TM9SF2: variants seen among roughly 807,000 people sequenced by gnomAD.
TM9SF2 encodes 76 kDa membrane protein.
TM9SF2 carries 13 observed loss-of-function variants against 84.9 expected under a neutral mutation model. The observed-to-expected ratio is 0.15, with a 90% confidence interval of 0.10 to 0.24. TM9SF2 has a LOEUF of 0.24. TM9SF2 is among the 10% of genes least tolerant of loss of function. The pLI is 1.00. For synonymous variants in TM9SF2, 273 were observed against 285.8 expected (o/e 0.96, Z 0.45); for missense variants, 562 against 818.5 (o/e 0.69, Z 3.82).
At chr13:99,526,084 A>G (rs560059367) in intron 3 of TM9SF2, among the ~76,000 whole-genome samples, 1 of 152,294 alleles carries the variant, frequency 6.6e-6, no homozygotes, top group African/African-American at 2.4e-5. Flanking sequence ...TGGGAGGTAA[A>G]TGTGGCAATT....
chr13:99,556,809 A>G (rs1254725225), intron 15 of TM9SF2, among the ~76,000 whole-genome samples: 1 of 151,968 alleles, frequency 6.6e-6, no homozygotes, highest in Non-Finnish European at 1.5e-5. Context: ...GATGGTCTCG[A>G]TCTCCTGACC....
intron 11 of TM9SF2, 56 bp from the exon 12 acceptor site, chr13:99,549,109 A>G: frequency 6.7e-7 from 1 of 1,486,912 alleles, no homozygotes; most frequent in Non-Finnish European, 9.3e-7. Context: ...TAATATGGAT[A>G]TTTGGTTTGC....
intron 6 of TM9SF2, among the ~76,000 whole-genome samples, chr13:99,538,293 C>T (rs1011495486): frequency 6.6e-6 from 1 of 152,072 alleles, no homozygotes; most frequent in Non-Finnish European, 1.5e-5. Flanking sequence ...CTATGAAATA[C>T]GAGCCATTGA....
At chr13:99,503,608 C>A (rs2046076014) in intron 1 of TM9SF2, among the ~76,000 whole-genome samples, 1 of 149,870 alleles carries the variant, frequency 6.7e-6, no homozygotes, top group African/African-American at 2.5e-5. Flanking sequence ...ACTCGGGAGG[C>A]TGAGGCAGGA....
At chr13:99,545,126 A>T (rs947413421) in intron 10 of TM9SF2, among the ~76,000 whole-genome samples, 1 of 152,234 alleles carries the variant, frequency 6.6e-6, no homozygotes, top group Non-Finnish European at 1.5e-5. Context: ...ATAATTTTTT[A>T]GTAAACATTT....
At chr13:99,520,258 G>T (rs973370990) in intron 3 of TM9SF2, 129 bp downstream of exon 3, 2 of 720,410 alleles carry the variant, frequency 2.8e-6, no homozygotes, top group African/African-American at 3.6e-5. Context: ...CTAGGAATAG[G>T]TTCTTAAAAT....
Position 99,549,171 on chromosome 13 carries a change from G to A in TM9SF2, c.1277G>A (p.Gly426Glu). ...CTTTTGTTTTCTTCTATAGCCTTTG[G>A]AGGTGAGAAGTGGAAAACAAATGTT... ...YVAARFYKSF[G>E]GEKWKTNVLL... The change falls in exon 12 of 17, where the codon GGA becomes GAA. Residue 426 changes from glycine to glutamate, a missense_variant. This residue lies in a region of TM9SF2 where 219 missense variants were observed against 338.1 expected (regional missense o/e 0.65). Coordinates refer to ENST00000376387, the MANE Select transcript of TM9SF2 (RefSeq NM_004800.3). The A allele has an allele frequency of 6.2e-7, 1 of 1,612,920 alleles. No homozygotes were observed. The highest frequency in any genetic ancestry group is 8.5e-7 in the Non-Finnish European group (1 of 1,179,434).
chr13:99,547,121 G>A lies in TM9SF2; in HGVS notation c.1270+17G>A. On this transcript the variant is annotated intron_variant, in intron 11 of 16. Coordinates refer to ENST00000376387, the MANE Select transcript of TM9SF2 (RefSeq NM_004800.3). ...TCTATAAGTGTAAGTCAAAGCCACT[G>A]TGACTGGCGTCTGATCAGGAAGGGA... The A allele has an allele frequency of 6.2e-7, 1 of 1,613,620 alleles. No homozygotes were observed. Among genetic ancestry groups the A allele is most frequent in the Non-Finnish European group, 8.5e-7 (1 of 1,179,606 alleles).
chr13:99,549,020 A>G (rs1415268970), intron 11 of TM9SF2, 145 bp from the exon 12 acceptor site: 2 of 597,620 alleles, frequency 3.3e-6, no homozygotes, highest in Non-Finnish European at 5.8e-6. Flanking sequence ...ATAAAGGAAT[A>G]TCATATTATA....
In TM9SF2 at chr13:99,530,576, A is replaced by T. The variant is rs2046204264; in HGVS notation, c.461+982A>T. Among the ~76,000 whole-genome samples, 3 of 152,260 alleles carry T rather than the reference A, an allele frequency of 2.0e-5. No individual in the cohort carries two copies. In the South Asian group the frequency reaches 6.2e-4, roughly 31 times the overall value. On this transcript the variant is annotated intron_variant, in intron 4 of 16. Coordinates refer to ENST00000376387, the MANE Select transcript of TM9SF2 (RefSeq NM_004800.3). ...ATGCCTGAATAGTTAACAGTAGCAT[A>T]TTATGCTTTGGGGAAAAGGACCTGG...
At chr13:99,543,162 C>T (rs557016549) in intron 9 of TM9SF2, among the ~76,000 whole-genome samples, 2 of 152,308 alleles carry the variant, frequency 1.3e-5, no homozygotes, top group African/African-American at 2.4e-5. Context: ...TACCTCCCTC[C>T]GATCTTTACA....
At chr13:99,540,133 C>T (rs1282290114) in intron 7 of TM9SF2, among the ~76,000 whole-genome samples, 1 of 151,978 alleles carries the variant, frequency 6.6e-6, no homozygotes, top group African/African-American at 2.4e-5. Context: ...TTTTTATTAG[C>T]GAAGTTTCTT....
intron 1 of TM9SF2, among the ~76,000 whole-genome samples, chr13:99,506,955 C>T (rs1221541317): frequency 6.6e-6 from 1 of 152,186 alleles, no homozygotes; most frequent in Non-Finnish European, 1.5e-5. Context: ...TTAAAATTAA[C>T]TATCTATGAA....
At chr13:99,540,839 C>T (rs1215924554) in intron 8 of TM9SF2, 46 bp downstream of exon 8, 1 of 1,504,748 alleles carries the variant, frequency 6.6e-7, no homozygotes, top group South Asian at 1.1e-5. Context: ...CTTTTCTACC[C>T]TCTGTCCCTT....
chr13:99,504,855 G>GC (rs2046081953), intron 1 of TM9SF2, among the ~76,000 whole-genome samples: 1 of 152,100 alleles, frequency 6.6e-6, no homozygotes, highest in Admixed American at 6.6e-5. Flanking sequence ...ATTTCATTCT[G>GC]TTCCTGTACA....
At chr13:99,539,266 T>C (rs2046247977) in intron 6 of TM9SF2, among the ~76,000 whole-genome samples, 180 bp from the exon 7 acceptor site, 1 of 152,164 alleles carries the variant, frequency 6.6e-6, no homozygotes, top group South Asian at 2.1e-4. Flanking sequence ...TATAGTGTTT[T>C]CAAAAGTATG....
chr13:99,521,618 G>A (rs2046160567), intron 3 of TM9SF2, among the ~76,000 whole-genome samples: 1 of 152,150 alleles, frequency 6.6e-6, no homozygotes, highest in Non-Finnish European at 1.5e-5. Context: ...TGAAGCCCTG[G>A]GGGAAAAGAA....
At chr13:99,511,384 C>T (rs542807397) in intron 1 of TM9SF2, among the ~76,000 whole-genome samples, 32 of 152,336 alleles carry the variant, frequency 2.1e-4, no homozygotes, top group Non-Finnish European at 3.8e-4. Context: ...AACTCCCCGG[C>T]AGTCTCATTT....
intron 13 of TM9SF2, among the ~76,000 whole-genome samples, chr13:99,553,945 A>C (rs1753061184): frequency 6.6e-6 from 1 of 152,196 alleles, no homozygotes; most frequent in African/African-American, 2.4e-5. Flanking sequence ...GAACCAGCTG[A>C]TTTCTTACAG....
Sources: allele counts gnomAD v4.1 joint callset (sites outside exome capture counted in the v4.1 genomes callset), GRCh38; gene constraint gnomAD v4.1.1; regional missense constraint gnomAD v4.1.1; transcripts MANE v1.5; gene names NCBI Gene and HGNC (gene_info 2026-07-23, HGNC 2026-07-21).